RAB2A: variants seen among roughly 807,000 people sequenced by gnomAD.
RAB2A encodes the protein ras-related protein Rab-2A.
A neutral mutation model predicts 32.5 loss-of-function variants in RAB2A; 7 were observed. That is an observed-to-expected ratio of 0.22 (90% CI 0.12 to 0.40). The LOEUF is 0.40. Among genes scored for constraint, RAB2A ranks in the 10% least tolerant of loss-of-function variants. RAB2A has a pLI of 1.00. For synonymous variants in RAB2A, 79 were observed against 85.2 expected, an observed-to-expected ratio of 0.93 and a Z score of 0.40; for missense variants, 108 against 260.7, an observed-to-expected ratio of 0.41 and a Z score of 4.03.
intron 1 of RAB2A, among the ~76,000 whole-genome samples, chr8:60,526,017 G>GCACATATATA (rs879271913): frequency 0.029 from 2,107 of 73,756 alleles, 80 homozygotes; most frequent in Middle Eastern, 0.045. Context: ...ATGTGTGTGT[G>GCACATATATA]TACATATATA....
intron 5 of RAB2A, among the ~76,000 whole-genome samples, chr8:60,587,653 C>T (rs1371046603): frequency 6.6e-6 from 1 of 152,082 alleles, no homozygotes; most frequent in Admixed American, 6.5e-5. Context: ...CCACAAAAAA[C>T]GATAACTGTG....
chr8:60,589,267 A>G (rs1239389763), intron 5 of RAB2A, among the ~76,000 whole-genome samples: 1 of 150,806 alleles, frequency 6.6e-6, no homozygotes, highest in Non-Finnish European at 1.5e-5. Flanking sequence ...GAGAAGAAAT[A>G]AACAAAGCAT....
At chr8:60,585,562 C>A (rs1311086750) in intron 5 of RAB2A, among the ~76,000 whole-genome samples, 1 of 152,126 alleles carries the variant, frequency 6.6e-6, no homozygotes, top group Non-Finnish European at 1.5e-5. Flanking sequence ...ATTCTCCCAC[C>A]TGGGCCTCCA....
intron 3 of RAB2A, among the ~76,000 whole-genome samples, chr8:60,581,449 A>C (rs986015119): frequency 6.6e-6 from 1 of 152,214 alleles, no homozygotes; most frequent in Non-Finnish European, 1.5e-5. Context: ...GACTTTTATC[A>C]CACTACTCAG....
chr8:60,600,661 T>C (rs887206267), intron 6 of RAB2A, among the ~76,000 whole-genome samples: 1 of 152,156 alleles, frequency 6.6e-6, no homozygotes, highest in Non-Finnish European at 1.5e-5. Context: ...GCTAGAGACA[T>C]TGGGTTGAAG....
intron 6 of RAB2A, among the ~76,000 whole-genome samples, chr8:60,601,349 T>G (rs1057433306): frequency 6.6e-6 from 1 of 152,048 alleles, no homozygotes; most frequent in African/African-American, 2.4e-5. Context: ...TTTCTTTCTT[T>G]TTTTTTTTGA....
rs1029911847 is a variant in RAB2A, at chr8:60,621,865, A to C, written c.*1096A>C. 6.6e-6 allele frequency: 1 copy of C among 152,190 alleles called. No homozygotes were observed. The highest frequency in any genetic ancestry group is 1.5e-5 in the Non-Finnish European group (1 of 68,016). The allele number at this position is 152,190 out of a possible 1,614,324, so 9.4% of individuals were successfully genotyped here. On this transcript the variant is annotated 3_prime_UTR_variant, in exon 8 of 8. Transcript: ENST00000262646. ...GGGGATATGACAATAAATCTATCAG[A>C]TGGAAAATCCTGTTACAAAGTAGAA...
At chr8:60,618,538 C>T in intron 6 of RAB2A, 42 bp from the exon 7 acceptor site, 2 of 1,008,828 alleles carry the variant, frequency 2.0e-6, no homozygotes, top group Non-Finnish European at 1.4e-6. Context: ...TATTTTACTG[C>T]TTTGGTTTTA....
chr8:60,596,330 C>T (rs201088718), intron 6 of RAB2A, among the ~76,000 whole-genome samples: 1 of 152,164 alleles, frequency 6.6e-6, no homozygotes, highest in East Asian at 1.9e-4. Flanking sequence ...CTTCTGCACA[C>T]CAAAAGAAAC....
intron 6 of RAB2A, among the ~76,000 whole-genome samples, chr8:60,599,823 A>AAAAAAG (rs1228703605): frequency 2.0e-5 from 3 of 152,050 alleles, no homozygotes; most frequent in Non-Finnish European, 4.4e-5. Flanking sequence ...TTAGGGGAAA[A>AAAAAAG]AAAAAGAAAA....
intron 2 of RAB2A, chr8:60,559,159 A>T (rs2130830916): frequency 2.5e-6 from 1 of 393,404 alleles, no homozygotes; most frequent in South Asian, 3.6e-5. Flanking sequence ...TTAAGATTTC[A>T]ATTGTAATTA....
rs1372036413 is a variant in RAB2A, at chr8:60,620,790, T to C, written c.*21T>C. On this transcript the variant is annotated 3_prime_UTR_variant, in exon 8 of 8. Transcript: ENST00000262646. ...GTTGAGTCTGTTTTTACTGTCTAGC[T>C]GCCCAACGGGGCCTACTCACTTATT... 6.2e-7 allele frequency: 1 copy of C among 1,602,730 alleles called. No individual in the cohort carries two copies. The highest frequency in any genetic ancestry group is 1.3e-5 in the African/African-American group (1 of 74,496).
At chr8:60,614,357 A>G (rs1804413473) in intron 6 of RAB2A, among the ~76,000 whole-genome samples, 1 of 152,036 alleles carries the variant, frequency 6.6e-6, no homozygotes, top group Non-Finnish European at 1.5e-5. Flanking sequence ...GTTCAGCAAC[A>G]ATAGTCCTCC....
chr8:60,586,340 T>C (rs1212674781), intron 5 of RAB2A, among the ~76,000 whole-genome samples: 1 of 148,440 alleles, frequency 6.7e-6, no homozygotes, highest in Non-Finnish European at 1.5e-5. Context: ...CTTAAGAAAC[T>C]AGAATAAGAG....
chr8:60,519,743 A>G (rs1476475601), intron 1 of RAB2A, among the ~76,000 whole-genome samples: 1 of 151,836 alleles, frequency 6.6e-6, no homozygotes, highest in Non-Finnish European at 1.5e-5. Flanking sequence ...GCGTAGTAGA[A>G]GGTAGGCCCT....
chr8:60,573,466 G>A (rs751068604), intron 3 of RAB2A, among the ~76,000 whole-genome samples: 1 of 152,120 alleles, frequency 6.6e-6, no homozygotes, highest in Non-Finnish European at 1.5e-5. Context: ...TACTTCCTAT[G>A]TGTCACAGTT....
intron 1 of RAB2A, among the ~76,000 whole-genome samples, chr8:60,525,891 TA>T (rs2130806587): frequency 1.3e-5 from 2 of 149,742 alleles, no homozygotes; most frequent in East Asian, 3.9e-4. Flanking sequence ...TATATATATA[TA>T]TTTTTTAGTT....
intron 1 of RAB2A, among the ~76,000 whole-genome samples, chr8:60,539,825 T>C (rs1181408475): frequency 1.3e-5 from 2 of 152,100 alleles, no homozygotes; most frequent in Non-Finnish European, 2.9e-5. Context: ...AAAATCAAAA[T>C]ATAAAAATAG....
At chr8:60,546,226 G>GACCCCCC (rs1807724704) in intron 1 of RAB2A, among the ~76,000 whole-genome samples, 1 of 152,196 alleles carries the variant, frequency 6.6e-6, no homozygotes, top group Admixed American at 6.6e-5. Flanking sequence ...AAGTCTCAGG[G>GACCCCCC]TAATTCTTTG....
Sources: allele counts gnomAD v4.1 joint callset (sites outside exome capture counted in the v4.1 genomes callset), GRCh38; gene constraint gnomAD v4.1.1; transcripts MANE v1.5; gene names NCBI Gene and HGNC (gene_info 2026-07-23, HGNC 2026-07-21).